ADGRB3: variants seen among roughly 807,000 people sequenced by gnomAD.
ADGRB3 encodes brain-specific angiogenesis inhibitor 3.
Under a neutral mutation model 193.4 loss-of-function variants are expected in ADGRB3, and 37 were observed. The ratio of observed to expected loss-of-function variants is 0.19; its 90% CI spans 0.15 to 0.25. The LOEUF is 0.25. Ranked by LOEUF, ADGRB3 falls within the 10% of genes least tolerant of loss-of-function variation. ADGRB3 has a pLI of 1.00. For synonymous variants in ADGRB3, 690 were observed against 644.2 expected (o/e 1.07, Z -1.08); for missense variants, 1,637 against 1,852.9 (o/e 0.88, Z 2.14).
At chr6:69,101,824 C>A (rs993444760) in intron 17 of ADGRB3, among the ~76,000 whole-genome samples, 1 of 151,922 alleles carries the variant, frequency 6.6e-6, no homozygotes, top group African/African-American at 2.4e-5. Context: ...TACCACTAAG[C>A]TGGTAAGGGT....
At chr6:68,744,134 G>C (rs983561424) in intron 3 of ADGRB3, among the ~76,000 whole-genome samples, 2 of 151,800 alleles carry the variant, frequency 1.3e-5, no homozygotes, top group African/African-American at 2.4e-5. Flanking sequence ...AAGAATGAAG[G>C]AAAAGAAGAA....
chr6:69,381,327 T>C (rs1769942334), intron 30 of ADGRB3, among the ~76,000 whole-genome samples: 1 of 151,968 alleles, frequency 6.6e-6, no homozygotes. Context: ...TTGCTTGCTA[T>C]GTTTCATGTC....
chr6:69,237,464 C>T (rs1460856137), intron 19 of ADGRB3, among the ~76,000 whole-genome samples: 4 of 152,038 alleles, frequency 2.6e-5, no homozygotes, highest in Non-Finnish European at 2.9e-5. Flanking sequence ...AATAATGAAG[C>T]ATGTCCTTGT....
intron 3 of ADGRB3, among the ~76,000 whole-genome samples, chr6:68,756,404 A>G (rs1271269718): frequency 1.3e-5 from 2 of 152,182 alleles, no homozygotes; most frequent in African/African-American, 4.8e-5. Context: ...GAGCACTTTG[A>G]ATCCAAGGGG....
chr6:68,676,317 G>A (rs998289382), intron 3 of ADGRB3, among the ~76,000 whole-genome samples: 8 of 151,272 alleles, frequency 5.3e-5, no homozygotes, highest in Non-Finnish European at 1.2e-4. Flanking sequence ...CTTGAACCGG[G>A]GAGTGGGAGG....
chr6:69,362,434 C>T (rs1255595172), intron 29 of ADGRB3, among the ~76,000 whole-genome samples: 1 of 151,860 alleles, frequency 6.6e-6, no homozygotes, highest in Non-Finnish European at 1.5e-5. Context: ...CCAAAAGTTC[C>T]CAGAGGCAAT....
At chr6:68,679,446 C>G (rs1197773918) in intron 3 of ADGRB3, among the ~76,000 whole-genome samples, 3 of 152,136 alleles carry the variant, frequency 2.0e-5, no homozygotes, top group African/African-American at 7.2e-5. Context: ...GGAAGAGCCA[C>G]TTCTGCTCAC....
At chr6:69,377,747 T>C (rs975250690) in intron 30 of ADGRB3, among the ~76,000 whole-genome samples, 12 of 152,116 alleles carry the variant, frequency 7.9e-5, no homozygotes, top group African/African-American at 2.9e-4. Context: ...CTCTCTGATA[T>C]ATAATTCAGA....
intron 26 of ADGRB3, among the ~76,000 whole-genome samples, chr6:69,344,472 C>G (rs773216861): frequency 1.8e-4 from 28 of 152,152 alleles, no homozygotes; most frequent in Non-Finnish European, 3.1e-4. Context: ...GATTTACATG[C>G]ACATGGCAGT....
intron 17 of ADGRB3, among the ~76,000 whole-genome samples, chr6:69,105,028 GT>G (rs771064465): frequency 6.6e-6 from 1 of 152,198 alleles, no homozygotes; most frequent in Non-Finnish European, 1.5e-5. Context: ...TGATCCTCAA[GT>G]AAGTGAAGTG....
At chr6:68,944,842 A>G (rs1767734550) in intron 6 of ADGRB3, among the ~76,000 whole-genome samples, 1 of 152,158 alleles carries the variant, frequency 6.6e-6, no homozygotes, top group Non-Finnish European at 1.5e-5. Flanking sequence ...ACATGAATGG[A>G]TAATTGCAAA....
Position 69,182,789 on chromosome 6 carries a change from A to G in ADGRB3, c.2481-50501A>G, listed in dbSNP as rs549744725. Among the ~76,000 whole-genome samples the G allele has an allele frequency of 1.3e-3, 198 of 152,222 alleles. 1 individual carries two copies. The Middle Eastern group carries it at 0.014, about 10-fold the overall frequency. On this transcript the variant is annotated intron_variant, in intron 17 of 31. Transcript: ENST00000370598. ...TAATTTGTAGCATTTGTCAATTTCC[A>G]TGGTGTAAATATTCCTACCATGGCT...
intron 20 of ADGRB3, among the ~76,000 whole-genome samples, chr6:69,293,597 G>A (rs904811258): frequency 2.6e-5 from 4 of 152,038 alleles, no homozygotes; most frequent in Non-Finnish European, 4.4e-5. Flanking sequence ...GCTCCATTTC[G>A]TTCTCTAAAG....
At chr6:69,263,350 T>A (rs542153982) in intron 20 of ADGRB3, among the ~76,000 whole-genome samples, 1 of 152,006 alleles carries the variant, frequency 6.6e-6, no homozygotes, top group South Asian at 2.1e-4. Context: ...TTCTCTCAAG[T>A]TTTTCTTCCA....
At chr6:68,819,072 T>G (rs1441499873) in intron 3 of ADGRB3, among the ~76,000 whole-genome samples, 2 of 152,068 alleles carry the variant, frequency 1.3e-5, no homozygotes, top group African/African-American at 4.8e-5. Flanking sequence ...CGGAGAAAAT[T>G]ATCCAGCCTT....
At chr6:68,822,618 T>A (rs1234348500) in intron 3 of ADGRB3, among the ~76,000 whole-genome samples, 1 of 151,956 alleles carries the variant, frequency 6.6e-6, no homozygotes, top group East Asian at 1.9e-4. Flanking sequence ...CCACCTGATA[T>A]CTATTTGAAT....
intron 25 of ADGRB3, 148 bp downstream of exon 25, chr6:69,339,162 T>G (rs1768919256): frequency 9.3e-7 from 1 of 1,070,854 alleles, no homozygotes; most frequent in Non-Finnish European, 1.4e-6. Context: ...TTATAGCTAT[T>G]GTGGGATAGT....
intron 20 of ADGRB3, among the ~76,000 whole-genome samples, chr6:69,283,676 A>G (rs1413410901): frequency 2.0e-5 from 3 of 152,108 alleles, no homozygotes; most frequent in Non-Finnish European, 4.4e-5. Flanking sequence ...AGCTATGATT[A>G]CAAAGAGTCA....
chr6:68,967,683 G>C (rs748472312), intron 8 of ADGRB3, among the ~76,000 whole-genome samples: 1 of 151,298 alleles, frequency 6.6e-6, no homozygotes, highest in Non-Finnish European at 1.5e-5. Flanking sequence ...TTAAGAAATA[G>C]GGTAATTCAA....
Sources: gnomAD v4.1 joint callset for allele counts (sites outside exome capture counted in the v4.1 genomes callset) on GRCh38, gnomAD v4.1.1 for gene constraint, MANE v1.5 for transcripts, NCBI Gene and HGNC (gene_info 2026-07-23, HGNC 2026-07-21) for gene names.